Variants in FBXW7 observed in about 807,000 individuals in gnomAD.
FBXW7 encodes the protein F-box/WD repeat-containing protein 7.
Under a neutral mutation model 86.3 loss-of-function variants are expected in FBXW7, and 11 were observed. The ratio of observed to expected loss-of-function variants is 0.13; its 90% CI spans 0.08 to 0.21. The LOEUF (loss-of-function observed/expected upper bound fraction) is 0.21, where lower values mean the gene tolerates loss of function less well. Among genes scored for constraint, FBXW7 ranks in the 10% least tolerant of loss-of-function variants. FBXW7 has a pLI of 1.00. For synonymous variants in FBXW7, 313 were observed against 297.9 expected (o/e 1.05, Z -0.52); for missense variants, 488 against 847.4 (o/e 0.58, Z 5.27).
chr4:152,427,684 T>C (rs1245959466), intron 2 of FBXW7, among the ~76,000 whole-genome samples: 3 of 152,216 alleles, frequency 2.0e-5, no homozygotes, highest in Non-Finnish European at 2.9e-5. Flanking sequence ...GAACCTCCTT[T>C]ACACTCTTAA....
intron 2 of FBXW7, among the ~76,000 whole-genome samples, chr4:152,416,571 A>G (rs1404265429): frequency 1.3e-5 from 2 of 152,210 alleles, no homozygotes. Context: ...TTGTAACTTT[A>G]AAGATGAAAA....
At chr4:152,429,684 C>T (rs1739717799) in intron 2 of FBXW7, among the ~76,000 whole-genome samples, 1 of 152,172 alleles carries the variant, frequency 6.6e-6, no homozygotes, top group Non-Finnish European at 1.5e-5. Context: ...AACTATAAAT[C>T]TTTGGGCAAG....
chr4:152,456,375 A>C (rs1459219181), intron 2 of FBXW7, among the ~76,000 whole-genome samples: 21 of 149,350 alleles, frequency 1.4e-4, no homozygotes, highest in Admixed American at 6.6e-4. Context: ...AAAAAAAAAA[A>C]AAAAAAAAAA....
At chr4:152,510,385 CA>C (rs1165741744) in intron 2 of FBXW7, among the ~76,000 whole-genome samples, 3 of 152,166 alleles carry the variant, frequency 2.0e-5, no homozygotes, top group Admixed American at 2.0e-4. Context: ...AAAAAGGCCA[CA>C]AAAATGTATA....
chr4:152,361,795 G>A (rs1732968513), intron 4 of FBXW7, among the ~76,000 whole-genome samples: 1 of 151,676 alleles, frequency 6.6e-6, no homozygotes, highest in Admixed American at 6.6e-5. Context: ...GTGAAACCCC[G>A]ACTCTACTAA....
At chr4:152,444,012 C>T (rs927821522) in intron 2 of FBXW7, among the ~76,000 whole-genome samples, 1 of 151,302 alleles carries the variant, frequency 6.6e-6, no homozygotes, top group Non-Finnish European at 1.5e-5. Flanking sequence ...CCAGCTCCTT[C>T]TCTACAAAGC....
chr4:152,336,123 A>G (rs1730070157), intron 7 of FBXW7, among the ~76,000 whole-genome samples: 1 of 152,118 alleles, frequency 6.6e-6, no homozygotes, highest in Non-Finnish European at 1.5e-5. Flanking sequence ...GCATTTTTCA[A>G]AATAGGAATT....
chr4:152,410,946 A>G (rs571379121), intron 4 of FBXW7, among the ~76,000 whole-genome samples: 13 of 152,270 alleles, frequency 8.5e-5, no homozygotes, highest in African/African-American at 1.9e-4. Context: ...TTGTAAATAA[A>G]AAGTTTCTTC....
intron 7 of FBXW7, among the ~76,000 whole-genome samples, chr4:152,335,291 C>T (rs1384468924): frequency 6.6e-6 from 1 of 151,922 alleles, no homozygotes; most frequent in Admixed American, 6.6e-5. Context: ...ACATCCCCCC[C>T]TACCACCACC....
At chr4:152,409,710 T>C (rs2126870141) in intron 4 of FBXW7, among the ~76,000 whole-genome samples, 1 of 149,526 alleles carries the variant, frequency 6.7e-6, no homozygotes, top group South Asian at 2.1e-4. Flanking sequence ...CACACTTATA[T>C]AATAAATGCA....
chr4:152,360,846 T>A (rs1175110227), intron 4 of FBXW7, among the ~76,000 whole-genome samples: 1 of 147,868 alleles, frequency 6.8e-6, no homozygotes, highest in African/African-American at 2.4e-5. Context: ...AATATATATA[T>A]ATATATAAAA....
intron 2 of FBXW7, among the ~76,000 whole-genome samples, chr4:152,508,626 C>T (rs1329470250): frequency 6.8e-6 from 1 of 146,070 alleles, no homozygotes; most frequent in African/African-American, 2.6e-5. Flanking sequence ...GAGATTGAGG[C>T]TTGCAGTGAC....
intron 2 of FBXW7, among the ~76,000 whole-genome samples, chr4:152,454,309 T>G (rs1259595416): frequency 7.6e-6 from 1 of 132,310 alleles, no homozygotes; most frequent in Non-Finnish European, 1.6e-5. Context: ...CCATGTTAGG[T>G]GTCTCATATT....
intron 2 of FBXW7, among the ~76,000 whole-genome samples, chr4:152,491,361 A>T (rs1161193622): frequency 1.3e-5 from 2 of 152,210 alleles, no homozygotes; most frequent in Non-Finnish European, 2.9e-5. Context: ...GCAAGAATAG[A>T]TATATCTTTC....
chr4:152,341,766 C>T (rs1162751270), intron 6 of FBXW7, among the ~76,000 whole-genome samples: 1 of 152,142 alleles, frequency 6.6e-6, no homozygotes, highest in Non-Finnish European at 1.5e-5. Context: ...GGGACATATA[C>T]ATTAACATGA....
At chr4:152,355,766 G>A (rs143630462) in intron 4 of FBXW7, among the ~76,000 whole-genome samples, 219 of 152,144 alleles carry the variant, frequency 1.4e-3, no homozygotes, top group African/African-American at 4.9e-3. Flanking sequence ...GTGTAGAAGT[G>A]GAACTAGTGT....
intron 2 of FBXW7, among the ~76,000 whole-genome samples, chr4:152,520,339 A>G (rs1452310365): frequency 6.6e-6 from 1 of 151,270 alleles, no homozygotes; most frequent in Non-Finnish European, 1.5e-5. Flanking sequence ...AGGCTGAGGC[A>G]GGAGAATGGC....
At chr4:152,533,931 G>A (rs1750234387) in intron 2 of FBXW7, among the ~76,000 whole-genome samples, 1 of 152,212 alleles carries the variant, frequency 6.6e-6, no homozygotes, top group South Asian at 2.1e-4. Context: ...GCTTCAGACA[G>A]AACGAGCCCA....
intron 2 of FBXW7, among the ~76,000 whole-genome samples, chr4:152,520,114 C>T (rs1748869081): frequency 6.6e-6 from 1 of 152,228 alleles, no homozygotes; most frequent in South Asian, 2.1e-4. Flanking sequence ...CTTGCCAATT[C>T]TTTAAAAATA....
Sources: allele counts gnomAD v4.1 joint callset (sites outside exome capture counted in the v4.1 genomes callset), GRCh38; gene constraint gnomAD v4.1.1; transcripts MANE v1.5; gene names NCBI Gene and HGNC (gene_info 2026-07-23, HGNC 2026-07-21).